ACTA2: variants seen among roughly 807,000 people sequenced by gnomAD.
ACTA2 encodes the protein actin, aortic smooth muscle.
ACTA2 carries 12 observed loss-of-function variants against 39.5 expected under a neutral mutation model. That is an observed-to-expected ratio of 0.30 (90% CI 0.19 to 0.49). The LOEUF (loss-of-function observed/expected upper bound fraction) is 0.49, where lower values mean the gene tolerates loss of function less well. Among genes scored for constraint, ACTA2 ranks in the 20% least tolerant of loss-of-function variants. ACTA2 has a pLI of 0.99. For synonymous variants in ACTA2, 158 were observed against 180.6 expected, an observed-to-expected ratio of 0.88 and a Z score of 1.00; for missense variants, 236 against 498.8, an observed-to-expected ratio of 0.47 and a Z score of 5.02.
chr10:88,974,560 C>T (rs1846521786), intron 1 of ACTA2: 1 of 151,980 alleles, frequency 6.6e-6, no homozygotes. Flanking sequence ...CTATATTGTC[C>T]AGGCTGATCT....
At chr10:88,936,513 C>T (rs1268964843) in intron 8 of ACTA2, among the ~76,000 whole-genome samples, 2 of 152,100 alleles carry the variant, frequency 1.3e-5, no homozygotes, top group African/African-American at 4.8e-5. Flanking sequence ...GTGAGCTCTT[C>T]TTCCGAGTTC....
At chr10:88,968,002 C>CT (rs927490653) in intron 1 of ACTA2, among the ~76,000 whole-genome samples, 63 of 148,930 alleles carry the variant, frequency 4.2e-4, no homozygotes, top group African/African-American at 1.0e-3. Flanking sequence ...GATAAAAGTC[C>CT]TTTTTTTTTT....
rs1042940602 is a variant in ACTA2, at chr10:88,942,326, G to A, written c.370-457C>T. On this transcript the variant is annotated intron_variant, in intron 4 of 8. Transcript: ENST00000224784. ...AAGAAAAAGAGAAGACAACATCCAGGTTTTGATTTCCCTGGTATAAAGAAA... is the reference window on the plus strand; with the variant it reads ...AAGAAAAAGAGAAGACAACATCCAGATTTTGATTTCCCTGGTATAAAGAAA... Among the ~76,000 whole-genome samples, 4 of 152,218 alleles carry A rather than the reference G, an allele frequency of 2.6e-5. No individual in the cohort carries two copies. In the South Asian group the frequency reaches 8.3e-4, roughly 32 times the overall value.
rs1339448973 is a variant in ACTA2, at chr10:88,984,680, T to A, written c.-24+6259A>T. Among the ~76,000 whole-genome samples, 6 of 152,216 alleles carry A rather than the reference T, an allele frequency of 3.9e-5. No individual in the cohort carries two copies. The East Asian group carries it at 1.2e-3, about 29-fold the overall frequency. On this transcript the variant is annotated intron_variant, in intron 1 of 4. Transcript: ENST00000415557. Reference sequence around the variant, plus strand: ...GCCAGGCCTCTCTTGACTTCTTATGTTTAGTTATTCATGAAACCACTGGGC... The same window carrying A: ...GCCAGGCCTCTCTTGACTTCTTATGATTAGTTATTCATGAAACCACTGGGC...
chr10:88,945,026 G>A (rs1845920583), intron 3 of ACTA2, among the ~76,000 whole-genome samples: 1 of 152,166 alleles, frequency 6.6e-6, no homozygotes, highest in Non-Finnish European at 1.5e-5. Flanking sequence ...ACTTCTGAAA[G>A]TTTTGTTTCT....
At position 88,950,636 on chromosome 10, in the gene ACTA2, T is replaced by C. The variant is rs558443980; in HGVS notation, c.-23-1683A>G. Among the ~76,000 whole-genome samples, 15 of 152,336 alleles carry C rather than the reference T, an allele frequency of 9.8e-5. No individual in the cohort carries two copies. The South Asian group carries it at 2.5e-3, about 25-fold the overall frequency. On this transcript the variant is annotated intron_variant, in intron 1 of 8. Transcript: ENST00000224784. ...GACTTGTCCAAGAGCCTTGAACTGA[T>C]ACATTTAGGACAACGAAGATTTCAG...
chr10:88,976,097 T>C (rs1846556709), intron 1 of ACTA2, among the ~76,000 whole-genome samples: 1 of 152,184 alleles, frequency 6.6e-6, no homozygotes, highest in Non-Finnish European at 1.5e-5. Flanking sequence ...ATATAATGTG[T>C]AATACAGGGG....
chr10:88,976,456 C>T (rs75634972), intron 1 of ACTA2, among the ~76,000 whole-genome samples: 13,404 of 152,216 alleles, frequency 0.088, 772 homozygotes, highest in Non-Finnish European at 0.13. Flanking sequence ...ATGAGGATCA[C>T]GGAAAATGGA....
intron 2 of ACTA2, chr10:88,948,531 T>TTGATGA: frequency 2.1e-5 from 9 of 420,240 alleles, no homozygotes; most frequent in South Asian, 1.9e-4. Flanking sequence ...ATGAAATGAT[T>TTGATGA]TGATGATGAT....
At chr10:88,976,224 A>G (rs114284924) in intron 1 of ACTA2, among the ~76,000 whole-genome samples, 2,490 of 152,226 alleles carry the variant, frequency 0.016, 86 homozygotes, top group African/African-American at 0.057. Flanking sequence ...ATCGCCAAAA[A>G]TCTCATAATG....
intron 1 of ACTA2, among the ~76,000 whole-genome samples, chr10:88,960,874 CA>C (rs1320226652): frequency 6.6e-6 from 1 of 152,128 alleles, no homozygotes; most frequent in African/African-American, 2.4e-5. Flanking sequence ...GCTTATAAGC[CA>C]CAGAAAGTCT....
intron 1 of ACTA2, chr10:88,973,279 T>A: frequency 6.2e-7 from 1 of 1,612,286 alleles, no homozygotes; most frequent in Non-Finnish European, 8.5e-7. Flanking sequence ...CTCTTGGGGA[T>A]CTCTAGGTCA....
intron 1 of ACTA2, among the ~76,000 whole-genome samples, chr10:88,971,330 A>C (rs1846441909): frequency 6.6e-6 from 1 of 152,260 alleles, no homozygotes; most frequent in South Asian, 2.1e-4. Flanking sequence ...GGACAAACAC[A>C]AACACAAAAT....
chr10:88,990,581 C>A lies in ACTA2; in HGVS notation c.-24+358G>T. The A allele has an allele frequency of 1.5e-6, 1 of 664,402 alleles. No individual in the cohort carries two copies. The highest frequency in any genetic ancestry group is 1.5e-5 in the South Asian group (1 of 66,350). The allele number at this position is 664,402 out of a possible 1,614,324, so 41.2% of individuals were successfully genotyped here. A position where few individuals can be genotyped will look rare whatever the true frequency, so the allele number is the denominator to read the frequency against. On this transcript the variant is annotated intron_variant, in intron 1 of 4. Coordinates refer to the ACTA2 transcript ENST00000415557. The surrounding 1 kb of genome is among the most constrained non-coding windows in gnomAD (Gnocchi z 4.9). ...TGAATCAATGGAGCCCTCCCCAACC[C>A]GGGCGTTCCCCAGCGAGGCTTCCTT... is the stretch of plus-strand genomic sequence containing the variant.
chr10:88,943,814 G>A lies in ACTA2; in HGVS notation c.352C>T (p.Arg118Trp), dbSNP rs1845899655. The change falls in exon 4 of 9, where the codon CGG becomes TGG. Residue 118 changes from arginine to tryptophan, a missense_variant. By Grantham distance (101) the Arg-to-Trp change is moderately radical (BLOSUM62 -3). Coordinates refer to ENST00000224784, the MANE Select transcript of ACTA2 (RefSeq NM_001613.4). ...ATACTTACTTGAGTCATTTTCTCCC[G>A]GTTGGCCTTGGGGTTCAGGGGTGCC... ...TEAPLNPKAN[R>W]EKMTQIMFET... is the part of the protein sequence containing the mutation. 1 of 1,613,740 alleles carries A rather than the reference G, an allele frequency of 6.2e-7. No homozygotes were observed. Among genetic ancestry groups the A allele is most frequent in the Non-Finnish European group, 8.5e-7 (1 of 1,179,734 alleles).
upstream of ACTA2, among the ~76,000 whole-genome samples, chr10:88,953,730 G>A (rs12359802): frequency 1.6e-3 from 248 of 152,226 alleles, 1 homozygote; most frequent in African/African-American, 4.7e-3. Flanking sequence ...TCATGGGGGC[G>A]TTTTCTCCCA....
intron 1 of ACTA2, among the ~76,000 whole-genome samples, chr10:88,952,344 C>A (rs1297094725): frequency 6.6e-6 from 1 of 152,168 alleles, no homozygotes; most frequent in Non-Finnish European, 1.5e-5. Context: ...ACCCCTACAA[C>A]AAATCAGAAC....
chr10:88,984,962 G>T (rs893771930), intron 1 of ACTA2, among the ~76,000 whole-genome samples: 1 of 152,196 alleles, frequency 6.6e-6, no homozygotes, highest in African/African-American at 2.4e-5. Flanking sequence ...AGCCTAGTGA[G>T]GAGGAAAGCA....
At chr10:88,974,717 G>A (rs1846524716) in intron 1 of ACTA2, 1 of 152,158 alleles carries the variant, frequency 6.6e-6, no homozygotes, top group Admixed American at 6.5e-5. Context: ...CTTTGGCATA[G>A]TTCACTTAAG....
Sources: gnomAD v4.1 joint callset for allele counts (sites outside exome capture counted in the v4.1 genomes callset) on GRCh38, gnomAD v4.1.1 for gene constraint, Gnocchi (gnomAD v3.1) non-coding constraint, MANE v1.5 for transcripts, NCBI Gene and HGNC (gene_info 2026-07-23, HGNC 2026-07-21) for gene names.